RNF19A: variants seen among roughly 807,000 people sequenced by gnomAD.
RNF19A encodes ring finger protein 19A, RBR E3 ubiquitin protein ligase.
A neutral mutation model predicts 75.7 loss-of-function variants in RNF19A; 32 were observed. The ratio of observed to expected loss-of-function variants is 0.42; its 90% CI spans 0.32 to 0.57. The LOEUF is 0.57. Ranked by LOEUF, RNF19A falls within the 20% of genes least tolerant of loss-of-function variation. The pLI is 0.10. For missense variants in RNF19A, 782 were observed against 1,036.3 expected (o/e 0.75, Z 3.37); for synonymous variants, 335 against 345.2 (o/e 0.97, Z 0.33).
At position 100,275,392 on chromosome 8, in the gene RNF19A, T is replaced by C. The variant is rs1820456947; in HGVS notation, c.675-231A>G. Among the ~76,000 whole-genome samples the C allele has an allele frequency of 6.6e-6, 1 of 151,888 alleles. No homozygotes were observed. The highest frequency in any genetic ancestry group is 1.5e-5 in the Non-Finnish European group (1 of 67,910). Reference sequence around the variant, plus strand: ...AGTTCAATTTTTAACTTTCAGGGTTTTTTTTTTAGGTTCAGGGTTTTTTTT... The same window carrying C: ...AGTTCAATTTTTAACTTTCAGGGTTCTTTTTTTAGGTTCAGGGTTTTTTTT... On this transcript the variant is annotated intron_variant, in intron 2 of 9. Transcript: ENST00000341084. This position sits in a 1 kb window ranked among gnomAD's most constrained non-coding sequence, Gnocchi z 4.3.
rs925192807 is a variant in RNF19A at position 100,285,237 on chromosome 8, T to C, written c.674+2264A>G. The stretch of plus-strand genomic sequence containing the variant: ...TGGCAGTAGGTTAATCATTCACCTA[T>C]ATTTTCTTTTAATTTTTTCCTTTTA... On this transcript the variant is annotated intron_variant, in intron 2 of 9. Transcript: ENST00000341084. Among the ~76,000 whole-genome samples, 7 of 152,180 alleles carry C rather than the reference T, an allele frequency of 4.6e-5. No homozygotes were observed. In the South Asian group the frequency reaches 6.2e-4, roughly 13 times the overall value.
chr8:100,307,966 T>G (rs1822127795), intron 1 of RNF19A, among the ~76,000 whole-genome samples: 1 of 152,168 alleles, frequency 6.6e-6, no homozygotes, highest in African/African-American at 2.4e-5. Flanking sequence ...ATCCCAACAC[T>G]GTCTGGTTGA....
chr8:100,272,732 C>T (rs535481286), intron 3 of RNF19A, among the ~76,000 whole-genome samples: 34 of 151,846 alleles, frequency 2.2e-4, no homozygotes, highest in African/African-American at 8.2e-4. Context: ...TTAGTAGAGA[C>T]GGGATTTCAC....
At chr8:100,313,900 T>C (rs1822336242), upstream of RNF19A, among the ~76,000 whole-genome samples, 2 of 132,850 alleles carry the variant, frequency 1.5e-5, no homozygotes, top group African/African-American at 3.2e-5. Flanking sequence ...GAAAGAGAAC[T>C]ACTTTTTTTT....
chr8:100,326,015 G>C (rs991770780), intron 1 of RNF19A, among the ~76,000 whole-genome samples: 6 of 152,168 alleles, frequency 3.9e-5, no homozygotes, highest in Non-Finnish European at 8.8e-5. Flanking sequence ...AAAGCTATAT[G>C]CTATCTGCTA....
chr8:100,304,536 CT>C (rs1821987722), intron 1 of RNF19A, among the ~76,000 whole-genome samples: 1 of 152,224 alleles, frequency 6.6e-6, no homozygotes, highest in Non-Finnish European at 1.5e-5. Flanking sequence ...CCCACCTCCA[CT>C]TTCCAAATGA....
chr8:100,312,575 G>A (rs114378893), upstream of RNF19A, among the ~76,000 whole-genome samples: 1,048 of 152,314 alleles, frequency 6.9e-3, 16 homozygotes, highest in African/African-American at 0.024. Context: ...CTGGGCGACA[G>A]AGTGAGACCC....
chr8:100,294,717 G>A (rs1366911251), intron 1 of RNF19A, among the ~76,000 whole-genome samples: 1 of 152,042 alleles, frequency 6.6e-6, no homozygotes, highest in African/African-American at 2.4e-5. Context: ...TTTTCCAAAG[G>A]ATATCTTCAT....
In RNF19A at chr8:100,323,279, T is replaced by A. The variant is rs373748309; in HGVS notation, c.-242-9907A>T. On this transcript the variant is annotated intron_variant, in intron 1 of 3. Transcript: ENST00000519527. The surrounding 1 kb of genome is among the most constrained non-coding windows in gnomAD (Gnocchi z 4.6). ...AAGTTTTTAAGGAAGAAAGAAAACT[T>A]TATTCTTCTCTGTAATATCATTTTT... 1.6e-3 allele frequency among the ~76,000 whole-genome samples: 238 copies of A among 152,322 alleles called. 2 individuals carry two copies. The highest frequency in any genetic ancestry group is 5.4e-3 in the African/African-American group (223 of 41,562).
upstream of RNF19A, chr8:100,310,168 C>T (rs1008693462): frequency 1.0e-6 from 1 of 985,318 alleles, no homozygotes; most frequent in Non-Finnish European, 1.2e-6. Flanking sequence ...CCCCCGGCCG[C>T]CCCGCCCCAG....
At position 100,268,959 on chromosome 8, in the gene RNF19A, A is replaced by C; in HGVS notation, c.1029-12T>G. 3 of 1,564,318 alleles carry C rather than the reference A, an allele frequency of 1.9e-6. No individual in the cohort carries two copies. The highest frequency in any genetic ancestry group is 2.6e-6 in the Non-Finnish European group (3 of 1,152,930). On this transcript the variant is annotated splice_polypyrimidine_tract_variant and intron_variant, in intron 4 of 9. Coordinates refer to ENST00000341084, the MANE Select transcript of RNF19A (RefSeq NM_183419.4). ...TACATCCTGATGGACTAACGGAAAA[A>C]ATTATAATGTAAATAACTGCTGCAA...
intron 1 of RNF19A, among the ~76,000 whole-genome samples, chr8:100,334,292 G>A (rs1822647433): frequency 6.6e-6 from 1 of 152,200 alleles, no homozygotes; most frequent in Non-Finnish European, 1.5e-5. Flanking sequence ...CTCTGTGAAG[G>A]CAGGCAGTAT....
chr8:100,305,727 G>A (rs992071025), intron 1 of RNF19A, among the ~76,000 whole-genome samples: 2 of 152,176 alleles, frequency 1.3e-5, no homozygotes, highest in Middle Eastern at 3.2e-3. Context: ...AAGACTTAAA[G>A]AGTGAACAAA....
Position 100,333,695 on chromosome 8 carries a change from G to C in RNF19A, c.-243+2413C>G. Among the ~76,000 whole-genome samples the C allele has an allele frequency of 6.6e-6, 1 of 152,216 alleles. No homozygotes were observed. The highest frequency in any genetic ancestry group is 1.5e-5 in the Non-Finnish European group (1 of 68,040). ...ATAGCTGGGCATGGTGGTGTCTCCT[G>C]TAGTCCTAGCTACTTAGGAGGCTGA... is the stretch of plus-strand genomic sequence containing the variant. On this transcript the variant is annotated intron_variant, in intron 1 of 3. Transcript: ENST00000519527. The surrounding 1 kb of genome is among the most constrained non-coding windows in gnomAD (Gnocchi z 4.7).
rs1210130634 is a variant in RNF19A at position 100,325,355 on chromosome 8, A to G, written c.-243+10753T>C. On this transcript the variant is annotated intron_variant, in intron 1 of 3. Transcript: ENST00000519527. The surrounding 1 kb of genome is among the most constrained non-coding windows in gnomAD (Gnocchi z 4.3). ...AGTTACAATGTAACTGTGTAAATTT[A>G]TAAATTATAAAATTACAAAGTAATT... is the stretch of plus-strand genomic sequence containing the variant. 6.6e-6 allele frequency among the ~76,000 whole-genome samples: 1 copy of G among 152,222 alleles called. No homozygotes were observed. Among genetic ancestry groups the G allele is most frequent in the Admixed American group, 6.5e-5 (1 of 15,272 alleles).
At chr8:100,315,729 G>C (rs1822363725) in intron 1 of RNF19A, among the ~76,000 whole-genome samples, 1 of 152,152 alleles carries the variant, frequency 6.6e-6, no homozygotes, top group African/African-American at 2.4e-5. Context: ...CGATCACCTT[G>C]ACCTCTTGGA....
In RNF19A at chr8:100,259,258, G is replaced by C. The variant is rs375987830; in HGVS notation, c.1827-12C>G. 2.6e-5 allele frequency: 41 copies of C among 1,588,720 alleles called. No individual in the cohort carries two copies. The African/African-American group carries it at 5.4e-4, about 21-fold the overall frequency. Reference sequence around the variant, plus strand: ...TACTGTTGCCTTCTCTGAAATATAAGAGTAACAAATACAAACATAATTGCT... The same window carrying C: ...TACTGTTGCCTTCTCTGAAATATAACAGTAACAAATACAAACATAATTGCT... On this transcript the variant is annotated splice_polypyrimidine_tract_variant and intron_variant, in intron 9 of 9. Coordinates refer to ENST00000341084, the MANE Select transcript of RNF19A (RefSeq NM_183419.4). The surrounding 1 kb of genome is among the most constrained non-coding windows in gnomAD (Gnocchi z 4.5).
rs1347812649 is a variant in RNF19A at position 100,287,858 on chromosome 8, T to A, written c.317A>T (p.Asn106Ile). 1.3e-5 allele frequency: 21 copies of A among 1,613,954 alleles called. 1 individual carries two copies. In the South Asian group the frequency reaches 2.2e-4, roughly 17 times the overall value. ...AGAGGTATTTGTAGAGAAAATGGAG[T>A]TCTTATCAGTACACATTTCAGAATG... ...SIHSEMCTDKNSIFSTNTSSD... is the reference protein window; with the variant it reads ...SIHSEMCTDKISIFSTNTSSD... Residue 106 changes from asparagine to isoleucine, a missense_variant, in exon 2 of 10, where the codon AAC becomes ATC. Around this residue, in one of 7 missense-constraint regions of RNF19A, gnomAD observed 148 missense variants for 147.9 expected, o/e 1.00. Transcript: ENST00000341084. The surrounding 1 kb of genome is among the most constrained non-coding windows in gnomAD (Gnocchi z 4.1).
At chr8:100,298,968 G>A (rs1350462644) in intron 1 of RNF19A, among the ~76,000 whole-genome samples, 1 of 152,120 alleles carries the variant, frequency 6.6e-6, no homozygotes, top group Non-Finnish European at 1.5e-5. Context: ...TTTTAAATAG[G>A]TTTAAAAAAG....
Sources: allele counts gnomAD v4.1 joint callset (sites outside exome capture counted in the v4.1 genomes callset), GRCh38; gene constraint gnomAD v4.1.1; regional missense constraint gnomAD v4.1.1; non-coding constraint Gnocchi (gnomAD v3.1); transcripts MANE v1.5; gene names NCBI Gene and HGNC (gene_info 2026-07-23, HGNC 2026-07-21).